Variants in TNNI3K observed in about 807,000 individuals in gnomAD.
TNNI3K encodes the protein serine/threonine-protein kinase TNNI3K.
TNNI3K carries 140 observed loss-of-function variants against 114.5 expected under a neutral mutation model. That is an observed-to-expected ratio of 1.22 (90% CI 1.07 to 1.41). The LOEUF is 1.41. TNNI3K is among the 40% of genes most tolerant of loss of function. The pLI, the probability that TNNI3K is intolerant of heterozygous loss-of-function variation, is 0.00. For synonymous variants in TNNI3K, 347 were observed against 347.5 expected, an observed-to-expected ratio of 1.00 and a Z score of 0.02; for missense variants, 1,125 against 1,007.6, an observed-to-expected ratio of 1.12 and a Z score of -1.58.
intron 17 of TNNI3K, among the ~76,000 whole-genome samples, chr1:74,379,446 T>C (rs940415660): frequency 3.3e-5 from 5 of 152,000 alleles, no homozygotes; most frequent in Admixed American, 1.3e-4. Context: ...AGGGGCTCCT[T>C]AACCACTTAG....
chr1:74,430,437 T>A (rs185053367), intron 17 of TNNI3K, among the ~76,000 whole-genome samples: 18 of 152,112 alleles, frequency 1.2e-4, no homozygotes, highest in South Asian at 8.3e-4. Context: ...GGAGAAAACA[T>A]AAGATTTAAA....
intron 23 of TNNI3K, among the ~76,000 whole-genome samples, chr1:74,517,035 A>G (rs1234949742): frequency 6.6e-6 from 1 of 152,166 alleles, no homozygotes; most frequent in Admixed American, 6.5e-5. Context: ...AAAAACAGAA[A>G]CATTCTTGTC....
In TNNI3K at chr1:74,354,126, A is replaced by G. The variant is rs1340009254; in HGVS notation, c.1174A>G (p.Lys392Glu). 6.2e-7 allele frequency: 1 copy of G among 1,614,032 alleles called. No homozygotes were observed. Residue 392 changes from lysine to glutamate, a missense_variant, in exon 11 of 25, where the codon AAA (lysine) becomes GAA (glutamate). Lys to Glu is a moderately conservative substitution (Grantham distance 56). Coordinates refer to ENST00000326637, the MANE Select transcript of TNNI3K (RefSeq NM_015978.3). ...EQTCLMWAYE[K>E]GHDAIVTLLK... ...GACATGTTTGATGTGGGCTTATGAA[A>G]AAGGTATATTTTTAATCATCGTGTC...
intron 23 of TNNI3K, among the ~76,000 whole-genome samples, chr1:74,498,933 A>G (rs1049948529): frequency 1.3e-5 from 2 of 152,232 alleles, no homozygotes; most frequent in African/African-American, 4.8e-5. Context: ...CAGAGCATTA[A>G]TATGACGCTT....
At chr1:74,236,315 A>T in intron 2 of TNNI3K, 105 bp downstream of exon 2, 1 of 957,316 alleles carries the variant, frequency 1.0e-6, no homozygotes, top group Non-Finnish European at 1.5e-6. Context: ...CTCAGACATA[A>T]GCAGTCATGT....
At chr1:74,428,240 A>G (rs780362865) in intron 17 of TNNI3K, among the ~76,000 whole-genome samples, 2 of 152,116 alleles carry the variant, frequency 1.3e-5, no homozygotes, top group African/African-American at 2.4e-5. Flanking sequence ...AACCTAGATT[A>G]TGTTTAAGAT....
intron 17 of TNNI3K, among the ~76,000 whole-genome samples, chr1:74,400,291 C>A (rs1234199993): frequency 6.6e-6 from 1 of 152,052 alleles, no homozygotes; most frequent in Non-Finnish European, 1.5e-5. Context: ...ACTACCGATC[C>A]CACTACTTCC....
rs140963906 is a variant in TNNI3K, at chr1:74,463,447, C to T, written c.2018C>T (p.Ala673Val). The T allele has an allele frequency of 1.2e-5, 20 of 1,614,008 alleles. No homozygotes were observed. Among genetic ancestry groups the T allele is most frequent in the African/African-American group, 8.0e-5 (6 of 75,024 alleles). Residue 673 changes from alanine to valine, a missense_variant, in exon 21 of 25, where the codon GCG becomes GTG. Physicochemically the swap from Ala to Val is moderately conservative, Grantham distance 64. Coordinates refer to ENST00000326637, the MANE Select transcript of TNNI3K (RefSeq NM_015978.3). ...ATGACCATTTGGTTTGCAGCGGCTG[C>T]GGCAGCAGACATGGCTTACCACCAC... ...IPFAHLKPAA[A>V]AADMAYHHIR...
intron 23 of TNNI3K, among the ~76,000 whole-genome samples, chr1:74,499,333 A>C (rs1669491054): frequency 6.6e-6 from 1 of 152,162 alleles, no homozygotes; most frequent in South Asian, 2.1e-4. Flanking sequence ...TTTTGTAGAA[A>C]CAGAGTTTTA....
chr1:74,372,076 A>G (rs1662638895), intron 17 of TNNI3K: 1 of 135,722 alleles, frequency 7.4e-6, no homozygotes, highest in South Asian at 2.6e-4. Flanking sequence ...AGCAGTGGTT[A>G]CAAGATAGTT....
In TNNI3K at chr1:74,270,705, T is replaced by G. The variant is rs114256957; in HGVS notation, c.334-893T>G. On this transcript the variant is annotated intron_variant, in intron 4 of 24. Transcript: ENST00000326637. ...AAGTCATAAATGCACTGGCCTATCTTATGACTTGACTTTATTGCTACTTGG... is the reference window on the plus strand; with the variant it reads ...AAGTCATAAATGCACTGGCCTATCTGATGACTTGACTTTATTGCTACTTGG... 3.9e-3 allele frequency among the ~76,000 whole-genome samples: 595 copies of G among 151,920 alleles called. 4 individuals are homozygous for G. The highest frequency in any genetic ancestry group is 0.014 in the African/African-American group (569 of 41,508).
chr1:74,533,154 G>A (rs974105498), intron 23 of TNNI3K, among the ~76,000 whole-genome samples: 21 of 152,126 alleles, frequency 1.4e-4, no homozygotes, highest in African/African-American at 3.6e-4. Context: ...GAAAATTTTC[G>A]CAACCTACTC....
chr1:74,445,149 A>G (rs150307981), intron 20 of TNNI3K, among the ~76,000 whole-genome samples: 268 of 152,318 alleles, frequency 1.8e-3, no homozygotes, highest in African/African-American at 5.7e-3. Flanking sequence ...CAAAAATGTC[A>G]GAAGCAATGT....
At chr1:74,421,985 T>G (rs1225769697) in intron 17 of TNNI3K, among the ~76,000 whole-genome samples, 1 of 140,680 alleles carries the variant, frequency 7.1e-6, no homozygotes, top group Non-Finnish European at 1.5e-5. Context: ...TTATTATTAT[T>G]ATTATTATTT....
intron 21 of TNNI3K, among the ~76,000 whole-genome samples, chr1:74,483,015 T>C (rs1474936673): frequency 6.6e-6 from 1 of 152,218 alleles, no homozygotes; most frequent in Non-Finnish European, 1.5e-5. Flanking sequence ...CTGGATAAAA[T>C]GGTGATATTC....
chr1:74,253,874 C>T (rs1000469932), intron 4 of TNNI3K, among the ~76,000 whole-genome samples: 2 of 152,216 alleles, frequency 1.3e-5, no homozygotes, highest in South Asian at 2.1e-4. Context: ...CAAGAGCGAG[C>T]GAGGGCTGCA....
intron 23 of TNNI3K, among the ~76,000 whole-genome samples, chr1:74,522,152 CTT>C (rs1646441992): frequency 1.3e-5 from 2 of 152,130 alleles, no homozygotes; most frequent in Non-Finnish European, 2.9e-5. Context: ...CTATTGGAAA[CTT>C]AATATAGCAG....
chr1:74,258,121 G>A (rs942221300), intron 4 of TNNI3K, among the ~76,000 whole-genome samples: 14 of 152,042 alleles, frequency 9.2e-5, no homozygotes, highest in East Asian at 1.9e-4. Flanking sequence ...AAATCCCCCC[G>A]TACTACATGA....
chr1:74,438,670 G>C lies in TNNI3K; in HGVS notation c.1879-820G>C, dbSNP rs372836317. Among the ~76,000 whole-genome samples, 142 of 152,090 alleles carry C rather than the reference G, an allele frequency of 9.3e-4. No homozygotes were observed. The South Asian group carries it at 0.014, about 15-fold the overall frequency. ...CCTAACTCTAAATCCAGTGTTCTGC[G>C]CCCTAAACTAGAAATCAACCAAATT... On this transcript the variant is annotated intron_variant, in intron 19 of 24. Transcript: ENST00000326637.
Sources: gnomAD v4.1 joint callset for allele counts (sites outside exome capture counted in the v4.1 genomes callset) on GRCh38, gnomAD v4.1.1 for gene constraint, MANE v1.5 for transcripts, NCBI Gene and HGNC (gene_info 2026-07-23, HGNC 2026-07-21) for gene names.